TRPM6: variants seen among roughly 807,000 people sequenced by gnomAD.
The protein encoded by TRPM6 is transient receptor potential cation channel subfamily M member 6, also known as channel kinase 2.
Under a neutral mutation model 247.6 loss-of-function variants are expected in TRPM6, and 111 were observed. That is an observed-to-expected ratio of 0.45 (90% CI 0.38 to 0.52). TRPM6 has a LOEUF of 0.52. Among genes scored for constraint, TRPM6 ranks in the 20% least tolerant of loss-of-function variants. The probability of loss-of-function intolerance (pLI) is 0.00; values close to 1 mark genes in which losing one functional copy is unlikely to be tolerated. For synonymous variants in TRPM6, 892 were observed against 853.8 expected, an observed-to-expected ratio of 1.04 and a Z score of -0.78; for missense variants, 2,126 against 2,421.5, an observed-to-expected ratio of 0.88 and a Z score of 2.56.
At chr9:74,831,915 A>C (rs1038330642) in intron 6 of TRPM6, among the ~76,000 whole-genome samples, 1 of 152,262 alleles carries the variant, frequency 6.6e-6, no homozygotes, top group African/African-American at 2.4e-5. Context: ...TTTAAGTATT[A>C]GAGTGTTAAG....
At chr9:74,793,322 A>T (rs1167413974) in intron 18 of TRPM6, among the ~76,000 whole-genome samples, 1 of 152,156 alleles carries the variant, frequency 6.6e-6, no homozygotes, top group African/African-American at 2.4e-5. Context: ...GAATAGTTCC[A>T]AGGATTTAAA....
chr9:74,824,114 C>A (rs1013907909), intron 7 of TRPM6, among the ~76,000 whole-genome samples: 2 of 151,054 alleles, frequency 1.3e-5, no homozygotes, highest in African/African-American at 2.4e-5. Context: ...TTAATATGGG[C>A]ATTTTTGTGG....
At chr9:74,773,113 C>T (rs970573059) in intron 24 of TRPM6, among the ~76,000 whole-genome samples, 5 of 152,040 alleles carry the variant, frequency 3.3e-5, no homozygotes, top group Admixed American at 1.3e-4. Flanking sequence ...GGCAACAGAG[C>T]GAGACTCCAT....
At chr9:74,815,066 C>A (rs1828878870) in intron 11 of TRPM6, among the ~76,000 whole-genome samples, 1 of 152,014 alleles carries the variant, frequency 6.6e-6, no homozygotes, top group Non-Finnish European at 1.5e-5. Context: ...ATTAGAGGAG[C>A]AGTCCATAAG....
chr9:74,821,909 C>T, intron 7 of TRPM6, 72 bp from the exon 8 acceptor site: 1 of 1,544,470 alleles, frequency 6.5e-7, no homozygotes, highest in Non-Finnish European at 8.9e-7. Context: ...TTTTGACTTC[C>T]AGACACAAGT....
At chr9:74,853,283 G>C (rs1281984120) in intron 3 of TRPM6, among the ~76,000 whole-genome samples, 4 of 150,888 alleles carry the variant, frequency 2.7e-5, no homozygotes, top group Non-Finnish European at 5.9e-5. Flanking sequence ...AGTGAGGAGC[G>C]TCTCCGCCCG....
chr9:74,852,428 C>A (rs979969458), intron 3 of TRPM6, among the ~76,000 whole-genome samples: 1 of 148,146 alleles, frequency 6.8e-6, no homozygotes, highest in Non-Finnish European at 1.5e-5. Context: ...CTCCCTCTCC[C>A]GCTCCCTCTC....
At chr9:74,736,244 C>A (rs1265445261) in intron 36 of TRPM6, among the ~76,000 whole-genome samples, 1 of 152,060 alleles carries the variant, frequency 6.6e-6, no homozygotes. Flanking sequence ...GGTGGTTGCT[C>A]CTCCGTGTTA....
rs11144132 is a variant in TRPM6 at position 74,882,314 on chromosome 9, G to A, written c.33+5510C>T. On this transcript the variant is annotated intron_variant, in intron 1 of 38. Transcript: ENST00000360774. ...TGAAGGAAACAATCAACAAAATGAA[G>A]AGACAATCTGTTGAGTTGGAGAAAA... Among the ~76,000 whole-genome samples the A allele has an allele frequency of 5.6e-3, 846 of 152,260 alleles. 7 individuals carry two copies. Among genetic ancestry groups the A allele is most frequent in the African/African-American group, 0.019 (794 of 41,548 alleles).
chr9:74,766,120 T>A (rs1826817101), intron 25 of TRPM6, among the ~76,000 whole-genome samples: 1 of 152,204 alleles, frequency 6.6e-6, no homozygotes, highest in South Asian at 2.1e-4. Flanking sequence ...ACTCATTAAG[T>A]TCCATTAGCA....
At chr9:74,822,270 G>A (rs1443265284) in intron 7 of TRPM6, among the ~76,000 whole-genome samples, 1 of 152,062 alleles carries the variant, frequency 6.6e-6, no homozygotes, top group Non-Finnish European at 1.5e-5. Context: ...TTTTATATAA[G>A]ACAAGGTCTC....
intron 1 of TRPM6, among the ~76,000 whole-genome samples, chr9:74,881,049 C>T (rs987960522): frequency 6.6e-6 from 1 of 152,090 alleles, no homozygotes; most frequent in Non-Finnish European, 1.5e-5. Context: ...AATCCTAGCA[C>T]TTTGGGAGGC....
At chr9:74,724,847 C>A in intron 38 of TRPM6, 101 bp from the exon 39 acceptor site, 1 of 1,443,386 alleles carries the variant, frequency 6.9e-7, no homozygotes, top group Non-Finnish European at 9.7e-7. Context: ...TCAGAGAGAT[C>A]TCCTCTTCCT....
chr9:74,879,486 G>T (rs1294489380), intron 1 of TRPM6, among the ~76,000 whole-genome samples: 1 of 152,052 alleles, frequency 6.6e-6, no homozygotes, highest in Non-Finnish European at 1.5e-5. Flanking sequence ...GGCCTCAGGG[G>T]AAGTTCTGAG....
chr9:74,845,778 A>C (rs1830090216), intron 3 of TRPM6, among the ~76,000 whole-genome samples: 1 of 152,156 alleles, frequency 6.6e-6, no homozygotes. Context: ...AGTGAGCCGA[A>C]ATTACATCAC....
At position 74,887,158 on chromosome 9, in the gene TRPM6, G is replaced by T. The variant is rs1010481671; in HGVS notation, c.33+666C>A. 5.4e-6 allele frequency: 5 copies of T among 929,284 alleles called. No homozygotes were observed. The African/African-American group carries it at 8.5e-5, about 16-fold the overall frequency. The allele number at this position is 929,284 out of a possible 1,614,324, so 57.6% of individuals were successfully genotyped here. On this transcript the variant is annotated intron_variant, in intron 1 of 38. Transcript: ENST00000360774. ...CCAGCGGTGGAGAGGAGCCAGCGGG[G>T]ACTCCTGAGGTTGCAAGTCCGGGCG...
Position 74,762,498 on chromosome 9 carries a change from G to A in TRPM6, c.4173C>T (p.Thr1391=). The A allele has an allele frequency of 6.2e-7, 1 of 1,614,092 alleles. No individual in the cohort carries two copies. Among genetic ancestry groups the A allele is most frequent in the Non-Finnish European group, 8.5e-7 (1 of 1,180,028 alleles). The change falls in exon 26 of 39, where the codon ACC becomes ACT. Residue 1391 remains threonine, a synonymous_variant. Coordinates refer to ENST00000360774, the MANE Select transcript of TRPM6 (RefSeq NM_017662.5). ...CTGATGCCCAGTCAGAGACAACTGG[G>A]GTCTGCCCAGTCAGATGAACAAGAA... The part of the protein sequence containing the change: ...TEVLVHLTGQ[T]PVVSDWASVD...
At chr9:74,840,855 A>G (rs1429231095) in intron 4 of TRPM6, among the ~76,000 whole-genome samples, 6 of 149,308 alleles carry the variant, frequency 4.0e-5, no homozygotes, top group Admixed American at 6.7e-5. Context: ...AGAAAGAAAG[A>G]AAAAAAAAGA....
intron 3 of TRPM6, among the ~76,000 whole-genome samples, chr9:74,844,931 C>T (rs1272770981): frequency 6.6e-6 from 1 of 152,090 alleles, no homozygotes; most frequent in African/African-American, 2.4e-5. Context: ...ATTAATTGGC[C>T]TAATTTCAAC....
Sources: gnomAD v4.1 joint callset for allele counts (sites outside exome capture counted in the v4.1 genomes callset) on GRCh38, gnomAD v4.1.1 for gene constraint, MANE v1.5 for transcripts, NCBI Gene and HGNC (gene_info 2026-07-23, HGNC 2026-07-21) for gene names.